Variants in SRRM3 observed in about 807,000 individuals in gnomAD.
SRRM3 encodes the protein serine/arginine repetitive matrix 3.
Under a neutral mutation model 66.2 loss-of-function variants are expected in SRRM3, and 27 were observed. The observed-to-expected ratio is 0.41, with a 90% CI of 0.30 to 0.56. SRRM3 has a LOEUF of 0.56. Among genes scored for constraint, SRRM3 ranks in the 20% least tolerant of loss-of-function variants. The probability of loss-of-function intolerance (pLI) is 0.32; values close to 1 mark genes in which losing one functional copy is unlikely to be tolerated. For synonymous variants in SRRM3, 391 were observed against 414.9 expected (o/e 0.94, Z 0.70); for missense variants, 918 against 991.9 (o/e 0.93, Z 1.00).
chr7:76,208,573 G>A (rs560837300), intron 1 of SRRM3, among the ~76,000 whole-genome samples: 10 of 151,992 alleles, frequency 6.6e-5, no homozygotes, highest in Non-Finnish European at 1.3e-4. Context: ...GGTGGCTCAC[G>A]CCTGTAATCC....
intron 3 of SRRM3, among the ~76,000 whole-genome samples, chr7:76,259,251 TGAA>T (rs1801795040): frequency 6.6e-6 from 1 of 151,396 alleles, no homozygotes; most frequent in South Asian, 2.1e-4. Context: ...GGGGATTCAG[TGAA>T]GAAGAGGAGC....
At chr7:76,239,421 C>T (rs782610144) in intron 2 of SRRM3, among the ~76,000 whole-genome samples, 3 of 152,102 alleles carry the variant, frequency 2.0e-5, no homozygotes, top group East Asian at 1.9e-4. Flanking sequence ...CCATTCCAGC[C>T]GCTGTGGCTC....
intron 1 of SRRM3, among the ~76,000 whole-genome samples, chr7:76,206,609 T>C (rs1330388478): frequency 6.6e-6 from 1 of 152,166 alleles, no homozygotes; most frequent in Non-Finnish European, 1.5e-5. Flanking sequence ...CCATGTCATC[T>C]AGAATAGGGC....
intron 1 of SRRM3, among the ~76,000 whole-genome samples, chr7:76,223,943 T>A (rs1800787699): frequency 1.1e-5 from 1 of 87,188 alleles, no homozygotes; most frequent in South Asian, 5.8e-4. Flanking sequence ...CCCCTCTCCC[T>A]TCTCTTCCCT....
intron 2 of SRRM3, among the ~76,000 whole-genome samples, chr7:76,246,285 C>T (rs782703751): frequency 6.6e-5 from 10 of 152,010 alleles, no homozygotes; most frequent in East Asian, 1.9e-4. Context: ...GTATAGTGGC[C>T]GGGTGCGTTG....
Position 76,235,214 on chromosome 7 carries a change from G to A in SRRM3, c.148G>A (p.Ala50Thr), listed in dbSNP as rs530430404. ...CGCGGAGCCGGGCCTGGTGAAGCGC[G>A]CGCACCGCGAGATCCTGGACCACGA... ...RAAEPGLVKR[A>T]HREILDHERK... The change falls in exon 2 of 15, where the codon GCG becomes ACG. Residue 50 changes from alanine (A) to threonine (T), a missense_variant. Coordinates refer to ENST00000611745, the MANE Select transcript of SRRM3 (RefSeq NM_001110199.3). 353 of 1,552,210 alleles carry A rather than the reference G, an allele frequency of 2.3e-4. 5 individuals are homozygous for A. In the South Asian group the frequency reaches 4.0e-3, roughly 18 times the overall value.
chr7:76,228,723 CAAACA>C (rs548866676), intron 1 of SRRM3, among the ~76,000 whole-genome samples: 4 of 151,966 alleles, frequency 2.6e-5, no homozygotes, highest in African/African-American at 2.4e-5. Flanking sequence ...GACGCCGTCT[CAAACA>C]AAACAAAACA....
At position 76,265,387 on chromosome 7, in the gene SRRM3, G is replaced by C; in HGVS notation, c.749G>C (p.Arg250Pro). The C allele has an allele frequency of 6.2e-7, 1 of 1,602,210 alleles. No homozygotes were observed. Among genetic ancestry groups the C allele is most frequent in the Non-Finnish European group, 8.5e-7 (1 of 1,174,890 alleles). ...KKRPHTESPGRRSHRHSSGSS... is the reference protein window; with the variant it reads ...KKRPHTESPGPRSHRHSSGSS... Reference sequence around the variant, plus strand: ...AGGCCTCACACAGAGTCCCCAGGCCGGAGGTCTCATCGCCATAGCAGTGGC... The same window carrying C: ...AGGCCTCACACAGAGTCCCCAGGCCCGAGGTCTCATCGCCATAGCAGTGGC... Residue 250 changes from arginine to proline, a missense_variant, in exon 10 of 15, where the codon CGG becomes CCG. Physicochemically the swap from Arg to Pro is moderately radical, Grantham distance 103. Coordinates refer to ENST00000611745, the MANE Select transcript of SRRM3 (RefSeq NM_001110199.3).
chr7:76,261,356 G>A lies in SRRM3; in HGVS notation c.580G>A (p.Gly194Arg). The A allele has an allele frequency of 6.3e-7, 1 of 1,579,834 alleles. No homozygotes were observed. Among genetic ancestry groups the A allele is most frequent in the Non-Finnish European group, 8.6e-7 (1 of 1,169,560 alleles). Reference sequence around the variant, plus strand: ...CCCACCTCCCTGTGTCCACAGCTGTGGGAGCTCCTCACCCCTCCGCAAGAA... The same window carrying A: ...CCCACCTCCCTGTGTCCACAGCTGTAGGAGCTCCTCACCCCTCCGCAAGAA... Reference protein sequence around the residue: ...KRRLESECSCGSSSPLRKKKK... With the variant: ...KRRLESECSCRSSSPLRKKKK... Residue 194 changes from glycine to arginine, a missense_variant, in exon 7 of 15, where the codon GGG becomes AGG. Gly to Arg is a moderately radical substitution (Grantham distance 125). Coordinates refer to ENST00000611745, the MANE Select transcript of SRRM3 (RefSeq NM_001110199.3).
intron 11 of SRRM3, among the ~76,000 whole-genome samples, chr7:76,277,107 G>T (rs1554611240): frequency 6.6e-6 from 1 of 152,200 alleles, no homozygotes; most frequent in African/African-American, 2.4e-5. Context: ...CCGTGACTTG[G>T]AGGAGATGAG....
chr7:76,206,089 C>T (rs977232349), intron 1 of SRRM3, among the ~76,000 whole-genome samples: 6 of 152,076 alleles, frequency 3.9e-5, no homozygotes. Flanking sequence ...CTCACTGCAG[C>T]CTTGACCTCC....
At chr7:76,206,463 C>A (rs782173755) in intron 1 of SRRM3, among the ~76,000 whole-genome samples, 3 of 152,126 alleles carry the variant, frequency 2.0e-5, no homozygotes, top group Non-Finnish European at 4.4e-5. Flanking sequence ...AATTACAGAC[C>A]CAGCCTGGCC....
At chr7:76,225,974 G>C (rs1305771570) in intron 1 of SRRM3, among the ~76,000 whole-genome samples, 1 of 152,120 alleles carries the variant, frequency 6.6e-6, no homozygotes, top group Non-Finnish European at 1.5e-5. Context: ...CCCCAGGGCA[G>C]GGCTGGGCCT....
chr7:76,222,564 C>T (rs1325540851), intron 1 of SRRM3, among the ~76,000 whole-genome samples: 1 of 151,964 alleles, frequency 6.6e-6, no homozygotes, highest in Admixed American at 6.6e-5. Flanking sequence ...CCTGGCCCTC[C>T]CTCCCCTCCT....
rs543973203 is a variant in SRRM3, at chr7:76,267,404, G to T, written c.977G>T (p.Gly326Val). Residue 326 changes from glycine (G) to valine (V), a missense_variant, in exon 11 of 15, where the codon GGC (glycine) becomes GTC (valine). Coordinates refer to ENST00000611745, the MANE Select transcript of SRRM3 (RefSeq NM_001110199.3). Reference protein sequence around the residue: ...GSGQRSGAHGGRPGSAHSPPD... With the variant: ...GSGQRSGAHGVRPGSAHSPPD... Reference sequence around the variant, plus strand: ...GGGCAGCGGAGCGGAGCGCACGGGGGCCGCCCCGGCTCGGCGCACAGCCCG... The same window carrying T: ...GGGCAGCGGAGCGGAGCGCACGGGGTCCGCCCCGGCTCGGCGCACAGCCCG... The T allele has an allele frequency of 1.4e-5, 19 of 1,390,208 alleles. No homozygotes were observed. The highest frequency in any genetic ancestry group is 3.1e-5 in the African/African-American group (2 of 65,400). 86.1% of individuals were successfully genotyped at this position (1,390,208 alleles called of 1,614,324 possible). A position where few individuals can be genotyped will look rare whatever the true frequency, so the allele number is the denominator to read the frequency against.
chr7:76,283,205 C>A (rs531555635), intron 14 of SRRM3, 104 bp downstream of exon 14: 108 of 1,240,278 alleles, frequency 8.7e-5, no homozygotes, highest in Non-Finnish European at 1.1e-4. Context: ...ATCCACTGAA[C>A]CTGGCACGGG....
intron 3 of SRRM3, among the ~76,000 whole-genome samples, chr7:76,253,851 G>A (rs1260120808): frequency 6.7e-6 from 1 of 150,224 alleles, no homozygotes; most frequent in Non-Finnish European, 1.5e-5. Context: ...GGAGAAGCAG[G>A]ATAGGAGAGT....
chr7:76,263,877 CAAA>C (rs781852712), intron 8 of SRRM3, among the ~76,000 whole-genome samples: 1 of 49,524 alleles, frequency 2.0e-5, no homozygotes, highest in Non-Finnish European at 4.4e-5. Flanking sequence ...TGTCTCAAGA[CAAA>C]AAAAAAAAAA....
chr7:76,233,665 T>A (rs1801067565), intron 1 of SRRM3, among the ~76,000 whole-genome samples: 1 of 151,938 alleles, frequency 6.6e-6, no homozygotes, highest in South Asian at 2.1e-4. Flanking sequence ...GGCACTCCCC[T>A]CTCCAGAAGA....
Sources: gnomAD v4.1 joint callset for allele counts (sites outside exome capture counted in the v4.1 genomes callset) on GRCh38, gnomAD v4.1.1 for gene constraint, MANE v1.5 for transcripts, NCBI Gene and HGNC (gene_info 2026-07-23, HGNC 2026-07-21) for gene names.